Variants in ELAPOR1 observed in about 807,000 individuals in gnomAD.
ELAPOR1 encodes the protein endosome-lysosome associated apoptosis and autophagy regulator 1.
Under a neutral mutation model 119.7 loss-of-function variants are expected in ELAPOR1, and 77 were observed. The observed-to-expected ratio is 0.64, with a 90% CI of 0.54 to 0.78. The LOEUF is 0.78. Ranked by LOEUF, ELAPOR1 falls within the 30% of genes least tolerant of loss-of-function variation. ELAPOR1 has a pLI of 0.00. For synonymous variants in ELAPOR1, 481 were observed against 487.2 expected, an observed-to-expected ratio of 0.99 and a Z score of 0.17; for missense variants, 1,115 against 1,270.4, an observed-to-expected ratio of 0.88 and a Z score of 1.86.
At chr1:109,149,350 T>C (rs1036104605) in intron 1 of ELAPOR1, among the ~76,000 whole-genome samples, 5 of 151,844 alleles carry the variant, frequency 3.3e-5, no homozygotes, top group African/African-American at 9.7e-5. Context: ...CTAAACATAA[T>C]GCCCTAATCA....
intron 1 of ELAPOR1, among the ~76,000 whole-genome samples, chr1:109,154,116 T>C (rs566848900): frequency 2.4e-4 from 36 of 151,250 alleles, no homozygotes; most frequent in African/African-American, 8.0e-4. Flanking sequence ...ACCCCGTCTC[T>C]ACTAAAAATA....
At chr1:109,183,929 GAGTTAAAGAT>G in intron 7 of ELAPOR1, among the ~76,000 whole-genome samples, 1 of 152,066 alleles carries the variant, frequency 6.6e-6, no homozygotes, top group East Asian at 1.9e-4. Flanking sequence ...TATAAATCAA[GAGTTAAAGAT>G]AGTGTTGGGC....
chr1:109,189,713 G>C, intron 11 of ELAPOR1, 31 bp downstream of exon 11: 2 of 1,549,736 alleles, frequency 1.3e-6, no homozygotes, highest in Non-Finnish European at 1.8e-6. Context: ...GGGAGTCCAG[G>C]CCAGCTTGGC....
chr1:109,146,815 C>G (rs1439850517), intron 1 of ELAPOR1, among the ~76,000 whole-genome samples: 1 of 152,142 alleles, frequency 6.6e-6, no homozygotes, highest in Non-Finnish European at 1.5e-5. Context: ...TCATAGTTTA[C>G]TGTAACCTCA....
intron 8 of ELAPOR1, 86 bp from the exon 9 acceptor site, chr1:109,188,091 T>A: frequency 6.7e-7 from 1 of 1,502,176 alleles, no homozygotes; most frequent in Non-Finnish European, 8.9e-7. Context: ...TCTGGATCTC[T>A]GCCCCCAGCC....
chr1:109,164,620 T>C lies in ELAPOR1; in HGVS notation c.396T>C (p.His132=), dbSNP rs962841905. 1.2e-6 allele frequency: 2 copies of C among 1,614,226 alleles called. No individual in the cohort carries two copies. Among genetic ancestry groups the C allele is most frequent in the Non-Finnish European group, 1.7e-6 (2 of 1,180,034 alleles). The part of the protein sequence containing the change: ...IRFDEWDELP[H]GFASLSANME... ...TTGATGAGTGGGATGAGCTGCCCCA[T>C]GGCTTTGCCAGCCTCTCAGCCAACA... is the stretch of plus-strand genomic sequence containing the variant. Residue 132 remains histidine (H), a synonymous_variant, in exon 3 of 22, where the codon CAT becomes CAC. Coordinates refer to ENST00000369939, the MANE Select transcript of ELAPOR1 (RefSeq NM_020775.5).
At chr1:109,117,235 C>T (rs184423322) in intron 1 of ELAPOR1, among the ~76,000 whole-genome samples, 204 of 152,328 alleles carry the variant, frequency 1.3e-3, no homozygotes, top group Middle Eastern at 0.01. Context: ...TGGCATTCCT[C>T]TCACAGTTTT....
At chr1:109,126,543 TG>T (rs1334905051) in intron 1 of ELAPOR1, among the ~76,000 whole-genome samples, 2 of 152,196 alleles carry the variant, frequency 1.3e-5, no homozygotes, top group Non-Finnish European at 2.9e-5. Flanking sequence ...CAATCTCAGC[TG>T]GCTGCAACAT....
intron 1 of ELAPOR1, among the ~76,000 whole-genome samples, chr1:109,118,385 G>T (rs1465304052): frequency 6.6e-6 from 1 of 152,226 alleles, no homozygotes; most frequent in Non-Finnish European, 1.5e-5. Context: ...TCTAAACTAA[G>T]TGGAGAATCC....
chr1:109,165,632 C>T (rs189940868), intron 3 of ELAPOR1, among the ~76,000 whole-genome samples: 2 of 151,484 alleles, frequency 1.3e-5, no homozygotes, highest in Admixed American at 1.3e-4. Context: ...AAAAAACCAA[C>T]CGGATTTCCA....
At chr1:109,138,178 CA>C (rs67421721) in intron 1 of ELAPOR1, among the ~76,000 whole-genome samples, 99,371 of 151,970 alleles carry the variant, frequency 0.65, 33,522 homozygotes, top group East Asian at 0.92. Context: ...CCCTTAAGAT[CA>C]GGTTGACCAG....
At chr1:109,142,007 CT>C (rs1649858909) in intron 1 of ELAPOR1, among the ~76,000 whole-genome samples, 1 of 152,006 alleles carries the variant, frequency 6.6e-6, no homozygotes, top group Admixed American at 6.6e-5. Context: ...CTGGAGAGAA[CT>C]ATATTTTTAA....
intron 13 of ELAPOR1, among the ~76,000 whole-genome samples, 199 bp from the exon 14 acceptor site, chr1:109,192,412 A>G (rs888216459): frequency 1.3e-5 from 2 of 152,148 alleles, no homozygotes; most frequent in Non-Finnish European, 2.9e-5. Flanking sequence ...TGTCCTATAA[A>G]TGGTTCAGTC....
At chr1:109,114,367 T>G in intron 1 of ELAPOR1, 31 bp downstream of exon 1, 1 of 1,540,960 alleles carries the variant, frequency 6.5e-7, no homozygotes, top group Non-Finnish European at 8.8e-7. Context: ...GATCCCGCTT[T>G]GGTCACAAAA....
At chr1:109,143,196 C>T (rs1301779778) in intron 1 of ELAPOR1, among the ~76,000 whole-genome samples, 8 of 152,148 alleles carry the variant, frequency 5.3e-5, no homozygotes, top group South Asian at 4.1e-4. Context: ...GAGATCCACC[C>T]GCCTTGGCCT....
chr1:109,157,810 C>T (rs777758442), intron 1 of ELAPOR1, among the ~76,000 whole-genome samples: 2 of 152,230 alleles, frequency 1.3e-5, no homozygotes, highest in Non-Finnish European at 2.9e-5. Flanking sequence ...AAACCTTATT[C>T]ATCTTCCACA....
chr1:109,133,771 T>C (rs1464049008), intron 1 of ELAPOR1, among the ~76,000 whole-genome samples: 2 of 152,214 alleles, frequency 1.3e-5, no homozygotes, highest in Non-Finnish European at 2.9e-5. Flanking sequence ...AGGAAATAGA[T>C]AGCTTGTTTA....
chr1:109,185,789 G>A lies in ELAPOR1; in HGVS notation c.1041+656G>A, dbSNP rs746441652. Reference sequence around the variant, plus strand: ...GCCCAGTCAAGGCAACCAGAGGGATGTGCAGGGAACTGGGGGAGCCCAGAA... The same window carrying A: ...GCCCAGTCAAGGCAACCAGAGGGATATGCAGGGAACTGGGGGAGCCCAGAA... On this transcript the variant is annotated intron_variant, in intron 8 of 21. Coordinates refer to ENST00000369939, the MANE Select transcript of ELAPOR1 (RefSeq NM_020775.5). Among the ~76,000 whole-genome samples the A allele has an allele frequency of 4.3e-4, 65 of 152,286 alleles. 2 individuals carry two copies. Among genetic ancestry groups the A allele is most frequent in the South Asian group, 1.9e-3 (9 of 4,826 alleles).
chr1:109,162,810 T>G (rs538122809), intron 2 of ELAPOR1, among the ~76,000 whole-genome samples: 1 of 152,330 alleles, frequency 6.6e-6, no homozygotes, highest in Non-Finnish European at 1.5e-5. Context: ...GAGGTGTGAC[T>G]AGTGGAAACA....
Sources: allele counts gnomAD v4.1 joint callset (sites outside exome capture counted in the v4.1 genomes callset), GRCh38; gene constraint gnomAD v4.1.1; transcripts MANE v1.5; gene names NCBI Gene and HGNC (gene_info 2026-07-23, HGNC 2026-07-21).